Variants in TLK1 observed in about 807,000 individuals in gnomAD.
TLK1 encodes serine/threonine-protein kinase tousled-like 1.
A neutral mutation model predicts 105.3 loss-of-function variants in TLK1; 24 were observed. That is an observed-to-expected ratio of 0.23 (90% CI 0.17 to 0.32). The LOEUF is 0.32. TLK1 is among the 10% of genes least tolerant of loss of function. The pLI, the probability that TLK1 is intolerant of heterozygous loss-of-function variation, is 1.00. For synonymous variants in TLK1, 321 were observed against 310.4 expected (o/e 1.03, Z -0.36); for missense variants, 558 against 910.5 (o/e 0.61, Z 4.98).
At chr2:170,999,479 C>A (rs1456065486) in intron 18 of TLK1, among the ~76,000 whole-genome samples, 1 of 152,164 alleles carries the variant, frequency 6.6e-6, no homozygotes, top group African/African-American at 2.4e-5. Flanking sequence ...TCTCCAGGCA[C>A]AAGGTGTATG....
At chr2:171,011,973 T>G (rs1684937783) in intron 13 of TLK1, among the ~76,000 whole-genome samples, 1 of 152,098 alleles carries the variant, frequency 6.6e-6, no homozygotes, top group African/African-American at 2.4e-5. Flanking sequence ...TAGGTAATAC[T>G]ACTACTATTA....
chr2:171,195,420 G>C (rs181461564), intron 1 of TLK1, among the ~76,000 whole-genome samples: 13 of 149,424 alleles, frequency 8.7e-5, no homozygotes, highest in African/African-American at 3.2e-4. Flanking sequence ...GGAGAATGGC[G>C]TGAACCTGGG....
intron 12 of TLK1, among the ~76,000 whole-genome samples, chr2:171,017,600 A>G (rs1169444940): frequency 6.6e-6 from 1 of 152,238 alleles, no homozygotes; most frequent in Non-Finnish European, 1.5e-5. Flanking sequence ...AGTAATCAAT[A>G]TTACAAAATA....
chr2:171,076,217 C>CG (rs1011774353), intron 3 of TLK1, among the ~76,000 whole-genome samples: 1 of 147,566 alleles, frequency 6.8e-6, no homozygotes, highest in Non-Finnish European at 1.5e-5. Flanking sequence ...AACTCCATCT[C>CG]GGAGGGCGGG....
At chr2:171,106,995 T>C (rs1260754000) in intron 2 of TLK1, among the ~76,000 whole-genome samples, 1 of 152,214 alleles carries the variant, frequency 6.6e-6, no homozygotes, top group African/African-American at 2.4e-5. Context: ...ATTCACACAT[T>C]ACATCTGATT....
intron 1 of TLK1, among the ~76,000 whole-genome samples, chr2:171,215,514 C>T (rs1693697320): frequency 6.6e-6 from 1 of 152,192 alleles, no homozygotes; most frequent in Admixed American, 6.5e-5. Flanking sequence ...CCAAGACAGG[C>T]ACGGTGATGT....
In TLK1 at chr2:171,026,534, G is replaced by A. The variant is rs576929984; in HGVS notation, c.1236+1805C>T. Among the ~76,000 whole-genome samples the A allele has an allele frequency of 3.3e-5, 5 of 152,196 alleles. No individual in the cohort carries two copies. In the East Asian group the frequency reaches 9.6e-4, roughly 29 times the overall value. ...TGCATATGTAAAATGTCATCATTTA[G>A]AAAGAGTAATCTGAAATTTGGTATT... On this transcript the variant is annotated intron_variant, in intron 12 of 20. Coordinates refer to ENST00000431350, the MANE Select transcript of TLK1 (RefSeq NM_012290.5).
chr2:171,066,322 G>C (rs1184658812), intron 3 of TLK1, among the ~76,000 whole-genome samples: 1 of 152,106 alleles, frequency 6.6e-6, no homozygotes, highest in African/African-American at 2.4e-5. Flanking sequence ...CAGCAATTTG[G>C]AGTGTAGTAT....
chr2:171,020,835 G>A (rs1206961099), intron 12 of TLK1, among the ~76,000 whole-genome samples: 3 of 151,660 alleles, frequency 2.0e-5, no homozygotes, highest in Non-Finnish European at 2.9e-5. Context: ...AGATTGGGGA[G>A]AAGGGTAGGA....
At chr2:171,221,203 T>A (rs1693804428) in intron 1 of TLK1, among the ~76,000 whole-genome samples, 1 of 152,234 alleles carries the variant, frequency 6.6e-6, no homozygotes. Context: ...GTAATGAATA[T>A]CTGTTATCAT....
Position 171,049,874 on chromosome 2 carries a change from C to T in TLK1, c.920G>A (p.Arg307Lys). 1.2e-6 allele frequency: 2 copies of T among 1,613,932 alleles called. No individual in the cohort carries two copies. The highest frequency in any genetic ancestry group is 1.7e-6 in the Non-Finnish European group (2 of 1,179,966). The stretch of plus-strand genomic sequence containing the variant: ...TTGTTCAGTAAATGAAGCGCCATGT[C>T]TAACTGTTGTAAAGTGCCCGAGGCG... Reference protein sequence around the residue: ...RLRLGHFTTVRHGASFTEQWT... With the variant: ...RLRLGHFTTVKHGASFTEQWT... Residue 307 changes from arginine (R) to lysine (K), a missense_variant, in exon 10 of 21, where the codon AGA (arginine) becomes AAA (lysine). Arg to Lys is a conservative substitution (Grantham distance 26). Transcript: ENST00000431350.
intron 1 of TLK1, among the ~76,000 whole-genome samples, chr2:171,156,671 G>C (rs1247425348): frequency 6.6e-6 from 1 of 152,136 alleles, no homozygotes; most frequent in African/African-American, 2.4e-5. Context: ...TCCTCCTCCA[G>C]CTAGTGATTT....
intron 2 of TLK1, among the ~76,000 whole-genome samples, chr2:171,089,751 T>G (rs1689144847): frequency 6.6e-6 from 1 of 152,168 alleles, no homozygotes; most frequent in South Asian, 2.1e-4. Context: ...CATAGCTCAC[T>G]GCACCCTCGA....
At chr2:171,116,592 T>C (rs1433549821) in intron 2 of TLK1, among the ~76,000 whole-genome samples, 2 of 151,222 alleles carry the variant, frequency 1.3e-5, no homozygotes, top group African/African-American at 4.9e-5. Context: ...CCCAGCTACT[T>C]GGGAGGCTGA....
chr2:171,092,996 G>A (rs1269188238), intron 2 of TLK1, among the ~76,000 whole-genome samples: 2 of 152,166 alleles, frequency 1.3e-5, no homozygotes, highest in African/African-American at 4.8e-5. Flanking sequence ...AGGACCACAT[G>A]ACTCCATGTA....
chr2:171,008,676 C>G (rs750268510), intron 14 of TLK1, among the ~76,000 whole-genome samples: 2 of 152,122 alleles, frequency 1.3e-5, no homozygotes, highest in African/African-American at 2.4e-5. Flanking sequence ...TTACAATCTG[C>G]TTTTTGTCTA....
intron 3 of TLK1, among the ~76,000 whole-genome samples, chr2:171,071,123 A>AT (rs1491300074): frequency 6.6e-6 from 1 of 152,136 alleles, no homozygotes; most frequent in Non-Finnish European, 1.5e-5. Flanking sequence ...TTGGATTATC[A>AT]TATGTTTTCC....
intron 1 of TLK1, among the ~76,000 whole-genome samples, chr2:171,126,178 A>C (rs1366581432): frequency 6.6e-6 from 1 of 152,210 alleles, no homozygotes; most frequent in Non-Finnish European, 1.5e-5. Flanking sequence ...AAAATTTACA[A>C]ATGTAAATCC....
intron 1 of TLK1, among the ~76,000 whole-genome samples, chr2:171,225,418 A>G (rs957510694): frequency 2.0e-5 from 3 of 152,270 alleles, no homozygotes; most frequent in Middle Eastern, 6.8e-3. Context: ...CAAAACCACA[A>G]TGAGATAGCC....
Sources: allele counts gnomAD v4.1 joint callset (sites outside exome capture counted in the v4.1 genomes callset), GRCh38; gene constraint gnomAD v4.1.1; transcripts MANE v1.5; gene names NCBI Gene and HGNC (gene_info 2026-07-23, HGNC 2026-07-21).